Variants in CSMD1 observed in about 807,000 individuals in gnomAD.
CSMD1 encodes CUB and sushi domain-containing protein 1.
A neutral mutation model predicts 417.5 loss-of-function variants in CSMD1; 213 were observed. The observed-to-expected ratio is 0.51, with a 90% CI of 0.46 to 0.57. CSMD1 has a LOEUF of 0.57. Ranked by LOEUF, CSMD1 falls within the 20% of genes least tolerant of loss-of-function variation. CSMD1 has a pLI of 0.00. For missense variants in CSMD1, 6,923 were observed against 4,529.7 expected (o/e 1.53, Z -15.17); for synonymous variants, 2,862 against 1,736.8 (o/e 1.65, Z -16.11).
chr8:3,980,555 C>A (rs562197839), intron 5 of CSMD1, among the ~76,000 whole-genome samples: 5 of 152,094 alleles, frequency 3.3e-5, no homozygotes, highest in African/African-American at 7.2e-5. Context: ...TTTGGTTTTC[C>A]ACTCAAATTC....
intron 1 of CSMD1, among the ~76,000 whole-genome samples, chr8:4,910,765 A>G (rs1244719013): frequency 6.6e-6 from 1 of 152,212 alleles, no homozygotes; most frequent in South Asian, 2.1e-4. Flanking sequence ...GTCTCACCCC[A>G]ACAAGGACCT....
intron 2 of CSMD1, among the ~76,000 whole-genome samples, chr8:4,502,922 T>C (rs960049656): frequency 6.6e-6 from 1 of 152,166 alleles, no homozygotes; most frequent in African/African-American, 2.4e-5. Flanking sequence ...TCTTTTAAAT[T>C]ATATGTCTGT....
intron 25 of CSMD1, among the ~76,000 whole-genome samples, chr8:3,298,251 G>C (rs978958003): frequency 6.6e-6 from 1 of 152,098 alleles, no homozygotes; most frequent in Non-Finnish European, 1.5e-5. Context: ...CATGGAAAAA[G>C]CATACATACA....
At chr8:3,815,040 G>T (rs1393556288) in intron 5 of CSMD1, among the ~76,000 whole-genome samples, 1 of 152,142 alleles carries the variant, frequency 6.6e-6, no homozygotes, top group East Asian at 1.9e-4. Flanking sequence ...GGTAGAAGAG[G>T]CACATGAAGA....
intron 23 of CSMD1, among the ~76,000 whole-genome samples, chr8:3,314,230 C>A (rs949518712): frequency 1.3e-5 from 2 of 151,682 alleles, no homozygotes; most frequent in Non-Finnish European, 2.9e-5. Context: ...TGTAACAAAC[C>A]CTAAAACTTA....
intron 1 of CSMD1, among the ~76,000 whole-genome samples, chr8:4,944,640 T>C (rs1585381262): frequency 6.6e-6 from 1 of 152,154 alleles, no homozygotes; most frequent in African/African-American, 2.4e-5. Context: ...AACAAGCATA[T>C]GAAGAGATGT....
intron 3 of CSMD1, among the ~76,000 whole-genome samples, chr8:4,150,185 A>G (rs1179337740): frequency 1.3e-5 from 2 of 152,214 alleles, no homozygotes; most frequent in Non-Finnish European, 2.9e-5. Context: ...GTCCTGAGGC[A>G]TCTGTCTTGT....
At chr8:3,570,182 G>C (rs908287733) in intron 10 of CSMD1, among the ~76,000 whole-genome samples, 5 of 152,174 alleles carry the variant, frequency 3.3e-5, no homozygotes, top group East Asian at 1.9e-4. Context: ...ATGGATGTTA[G>C]CCATAAAACT....
chr8:3,644,492 G>T (rs1045078277), intron 7 of CSMD1, among the ~76,000 whole-genome samples: 1 of 152,144 alleles, frequency 6.6e-6, no homozygotes, highest in Non-Finnish European at 1.5e-5. Context: ...CAAGGCTTTT[G>T]CTCTGATTAG....
At chr8:4,415,434 T>C (rs1585040038) in intron 3 of CSMD1, among the ~76,000 whole-genome samples, 1 of 151,682 alleles carries the variant, frequency 6.6e-6, no homozygotes. Context: ...GCACGTGCTT[T>C]AATAACACGC....
chr8:4,284,094 A>G (rs192047609), intron 3 of CSMD1, among the ~76,000 whole-genome samples: 102 of 151,862 alleles, frequency 6.7e-4, no homozygotes, highest in African/African-American at 2.3e-3. Flanking sequence ...TTAGCTAGGC[A>G]TGGTGGCTCA....
At chr8:4,155,342 C>T (rs1339882990) in intron 3 of CSMD1, among the ~76,000 whole-genome samples, 1 of 152,122 alleles carries the variant, frequency 6.6e-6, no homozygotes, top group African/African-American at 2.4e-5. Context: ...TGCATGACTC[C>T]CGCAGGGTAA....
chr8:3,362,369 C>T (rs1464804075), intron 20 of CSMD1, among the ~76,000 whole-genome samples: 2 of 152,176 alleles, frequency 1.3e-5, no homozygotes, highest in African/African-American at 4.8e-5. Context: ...GCCACTGTGA[C>T]CTCCGGATGC....
At chr8:4,369,802 CCTTTA>C (rs1259539986) in intron 3 of CSMD1, among the ~76,000 whole-genome samples, 2 of 152,026 alleles carry the variant, frequency 1.3e-5, no homozygotes, top group Non-Finnish European at 2.9e-5. Context: ...TTTATCCATC[CCTTTA>C]CTTCGAGACT....
At chr8:3,560,895 G>C (rs1316719312) in intron 10 of CSMD1, among the ~76,000 whole-genome samples, 1 of 152,148 alleles carries the variant, frequency 6.6e-6, no homozygotes, top group Non-Finnish European at 1.5e-5. Flanking sequence ...GATTCTTCCA[G>C]TTCCTATTTA....
intron 5 of CSMD1, among the ~76,000 whole-genome samples, chr8:3,834,952 A>C (rs975470610): frequency 2.0e-5 from 3 of 152,122 alleles, no homozygotes; most frequent in Non-Finnish European, 4.4e-5. Flanking sequence ...AGGCAGTCAA[A>C]AAACACATGA....
At chr8:4,318,384 T>A (rs1305279969) in intron 3 of CSMD1, among the ~76,000 whole-genome samples, 3 of 152,110 alleles carry the variant, frequency 2.0e-5, no homozygotes, top group Non-Finnish European at 4.4e-5. Flanking sequence ...CTCGTACACA[T>A]CTCTATTTGC....
intron 1 of CSMD1, among the ~76,000 whole-genome samples, chr8:4,837,305 G>A (rs944388621): frequency 1.3e-5 from 2 of 152,186 alleles, no homozygotes; most frequent in Admixed American, 1.3e-4. Context: ...TTCTAGGTTT[G>A]CTGCTGCACT....
intron 3 of CSMD1, among the ~76,000 whole-genome samples, chr8:4,173,066 T>C (rs548792043): frequency 5.4e-4 from 82 of 152,254 alleles, no homozygotes; most frequent in African/African-American, 1.9e-3. Flanking sequence ...CAGCAATAAA[T>C]AACTTCCATC....
Sources: allele counts gnomAD v4.1 joint callset (sites outside exome capture counted in the v4.1 genomes callset), GRCh38; gene constraint gnomAD v4.1.1; transcripts MANE v1.5; gene names NCBI Gene and HGNC (gene_info 2026-07-23, HGNC 2026-07-21).